CSMD1: variants seen among roughly 807,000 people sequenced by gnomAD.
The protein encoded by CSMD1 is CUB and sushi domain-containing protein 1.
Under a neutral mutation model 417.5 loss-of-function variants are expected in CSMD1, and 213 were observed. That is an observed-to-expected ratio of 0.51 (90% CI 0.46 to 0.57). CSMD1 has a LOEUF of 0.57. CSMD1 is among the 20% of genes least tolerant of loss of function. CSMD1 has a pLI of 0.00. For missense variants in CSMD1, 6,923 were observed against 4,529.7 expected (o/e 1.53, Z -15.17); for synonymous variants, 2,862 against 1,736.8 (o/e 1.65, Z -16.11).
chr8:4,020,971 C>G (rs1462844698), intron 4 of CSMD1, among the ~76,000 whole-genome samples: 1 of 152,306 alleles, frequency 6.6e-6, no homozygotes, highest in African/African-American at 2.4e-5. Flanking sequence ...ATATCTCAGA[C>G]CCATTGCCTT....
At chr8:4,769,833 T>C (rs1014122830) in intron 1 of CSMD1, among the ~76,000 whole-genome samples, 1 of 152,136 alleles carries the variant, frequency 6.6e-6, no homozygotes, top group Non-Finnish European at 1.5e-5. Flanking sequence ...CTTATGTTGT[T>C]GTTATTATGT....
intron 1 of CSMD1, among the ~76,000 whole-genome samples, chr8:4,677,329 T>C (rs943486962): frequency 6.6e-6 from 1 of 151,668 alleles, no homozygotes; most frequent in African/African-American, 2.4e-5. Flanking sequence ...AATTAGTTTA[T>C]CATTATAAAC....
At chr8:4,275,303 G>C (rs563630904) in intron 3 of CSMD1, among the ~76,000 whole-genome samples, 1 of 152,082 alleles carries the variant, frequency 6.6e-6, no homozygotes, top group South Asian at 2.1e-4. Context: ...AACAGAAACT[G>C]TAAGGTCAGA....
chr8:3,286,745 T>C (rs1307236604), intron 25 of CSMD1, among the ~76,000 whole-genome samples: 3 of 152,156 alleles, frequency 2.0e-5, no homozygotes, highest in South Asian at 4.1e-4. Flanking sequence ...ATGAGTAGAT[T>C]GCAAAAATTT....
At chr8:4,910,204 G>A (rs1391390899) in intron 1 of CSMD1, among the ~76,000 whole-genome samples, 2 of 151,990 alleles carry the variant, frequency 1.3e-5, no homozygotes, top group Non-Finnish European at 2.9e-5. Context: ...TTGTTATACT[G>A]GACTAAATTA....
intron 1 of CSMD1, among the ~76,000 whole-genome samples, chr8:4,718,935 C>T (rs1808863611): frequency 6.6e-6 from 1 of 151,776 alleles, no homozygotes; most frequent in Non-Finnish European, 1.5e-5. Flanking sequence ...GTTCATTATA[C>T]ACTGACAGGA....
rs1386373707 is a variant in CSMD1, at chr8:3,387,658, C to T, written c.2618G>A (p.Cys873Tyr). ...GTTCACAGGGATGCCCGGGTCCAGG[C>T]AGGAATCCGACTCAAGCGTCACACC... ...YESVTLESDS[C>Y]LDPGIPVNGH... The change falls in exon 18 of 70, where the codon TGC (cysteine) becomes TAC (tyrosine). Residue 873 changes from cysteine (C) to tyrosine (Y), a missense_variant. Physicochemically the swap from Cys to Tyr is radical, Grantham distance 194. Coordinates refer to ENST00000635120, the MANE Select transcript of CSMD1 (RefSeq NM_033225.6). The T allele has an allele frequency of 6.3e-7, 1 of 1,598,712 alleles. No homozygotes were observed. Among genetic ancestry groups the T allele is most frequent in the Non-Finnish European group, 8.5e-7 (1 of 1,172,400 alleles).
At chr8:3,794,924 T>G (rs1799958147) in intron 5 of CSMD1, among the ~76,000 whole-genome samples, 1 of 151,974 alleles carries the variant, frequency 6.6e-6, no homozygotes, top group Admixed American at 6.6e-5. Flanking sequence ...TTTCATCTTT[T>G]CTAACCTTCT....
chr8:3,858,761 G>T (rs77168231), intron 5 of CSMD1, among the ~76,000 whole-genome samples: 1 of 151,872 alleles, frequency 6.6e-6, no homozygotes, highest in Non-Finnish European at 1.5e-5. Flanking sequence ...TTACACTCCT[G>T]TATAACTTAT....
chr8:4,829,672 G>C (rs1003139898), intron 1 of CSMD1, among the ~76,000 whole-genome samples: 3 of 151,180 alleles, frequency 2.0e-5, no homozygotes, highest in Non-Finnish European at 4.4e-5. Flanking sequence ...TCCAGGATGT[G>C]GGAGCTTCAG....
intron 10 of CSMD1, among the ~76,000 whole-genome samples, chr8:3,546,589 C>T (rs77911885): frequency 6.6e-6 from 1 of 151,788 alleles, no homozygotes; most frequent in Non-Finnish European, 1.5e-5. Flanking sequence ...CCTCACAGTA[C>T]TGAGCAATTG....
At chr8:3,545,882 G>C (rs1458295294) in intron 10 of CSMD1, among the ~76,000 whole-genome samples, 1 of 152,212 alleles carries the variant, frequency 6.6e-6, no homozygotes, top group East Asian at 1.9e-4. Context: ...TGCAAACTTA[G>C]TGATGTAGCA....
At chr8:3,278,551 AT>A (rs1802483868) in intron 26 of CSMD1, 1 of 152,216 alleles carries the variant, frequency 6.6e-6, no homozygotes, top group Non-Finnish European at 1.5e-5. Context: ...TTTGAGTTCT[AT>A]TTAAAAATTT....
At chr8:4,828,031 T>G (rs2117422595) in intron 1 of CSMD1, among the ~76,000 whole-genome samples, 1 of 152,284 alleles carries the variant, frequency 6.6e-6, no homozygotes, top group Non-Finnish European at 1.5e-5. Flanking sequence ...TTAAGCCAGC[T>G]ACAATCAAAA....
chr8:4,202,570 G>A (rs1799722575), intron 3 of CSMD1, among the ~76,000 whole-genome samples: 1 of 152,112 alleles, frequency 6.6e-6, no homozygotes, highest in African/African-American at 2.4e-5. Context: ...AATTACTCCT[G>A]TATTCATTCA....
chr8:4,920,999 G>C (rs13278567), intron 1 of CSMD1, among the ~76,000 whole-genome samples: 1 of 63,888 alleles, frequency 1.6e-5, no homozygotes, highest in African/African-American at 5.3e-5. Flanking sequence ...AGAAAGAAAA[G>C]AAAGAAAGAA....
At chr8:3,389,967 T>G (rs968568145) in intron 17 of CSMD1, among the ~76,000 whole-genome samples, 1 of 152,126 alleles carries the variant, frequency 6.6e-6, no homozygotes, top group Non-Finnish European at 1.5e-5. Flanking sequence ...GGAGGACTGT[T>G]GAGTGGTAGA....
chr8:3,719,105 T>C (rs1207704647), intron 6 of CSMD1, among the ~76,000 whole-genome samples: 1 of 152,154 alleles, frequency 6.6e-6, no homozygotes, highest in Non-Finnish European at 1.5e-5. Flanking sequence ...ATTCGCAAAT[T>C]CCAAGAAAGA....
chr8:3,155,999 G>A (rs887664857), intron 39 of CSMD1, among the ~76,000 whole-genome samples: 1 of 152,144 alleles, frequency 6.6e-6, no homozygotes, highest in Non-Finnish European at 1.5e-5. Flanking sequence ...TTTGAGATGT[G>A]GGGAAATTAG....
Sources: allele counts gnomAD v4.1 joint callset (sites outside exome capture counted in the v4.1 genomes callset), GRCh38; gene constraint gnomAD v4.1.1; transcripts MANE v1.5; gene names NCBI Gene and HGNC (gene_info 2026-07-23, HGNC 2026-07-21).